The following HERPUD2 variants were observed in gnomAD, a reference collection of about 807,000 sequenced individuals.
HERPUD2 encodes the protein homocysteine-responsive endoplasmic reticulum-resident ubiquitin-like domain member 2 protein.
HERPUD2 carries 13 observed loss-of-function variants against 49.9 expected under a neutral mutation model. That is an observed-to-expected ratio of 0.26 (90% CI 0.17 to 0.41). The LOEUF (loss-of-function observed/expected upper bound fraction) is 0.41. Ranked by LOEUF, HERPUD2 falls within the 10% of genes least tolerant of loss-of-function variation. The pLI, the probability that HERPUD2 is intolerant of heterozygous loss-of-function variation, is 1.00. For synonymous variants in HERPUD2, 172 were observed against 171.4 expected, an observed-to-expected ratio of 1.00 and a Z score of -0.03; for missense variants, 449 against 492.2, an observed-to-expected ratio of 0.91 and a Z score of 0.83.
At chr7:35,687,970 T>G (rs1377897989) in intron 2 of HERPUD2, among the ~76,000 whole-genome samples, 1 of 152,222 alleles carries the variant, frequency 6.6e-6, no homozygotes, top group Non-Finnish European at 1.5e-5. Context: ...TTTCATATGC[T>G]AATTTAAAAA....
intron 5 of HERPUD2, among the ~76,000 whole-genome samples, chr7:35,646,070 G>A (rs958904847): frequency 6.6e-6 from 1 of 152,118 alleles, no homozygotes; most frequent in Non-Finnish European, 1.5e-5. Flanking sequence ...TGTATCTCTA[G>A]CATCTAGCAC....
chr7:35,687,030 A>G (rs1206675630), intron 2 of HERPUD2, among the ~76,000 whole-genome samples: 1 of 152,140 alleles, frequency 6.6e-6, no homozygotes, highest in Non-Finnish European at 1.5e-5. Flanking sequence ...ACTGCACTCC[A>G]GCCCAGACGA....
chr7:35,686,662 TGA>T (rs1198532841), intron 2 of HERPUD2, among the ~76,000 whole-genome samples: 3 of 93,288 alleles, frequency 3.2e-5, no homozygotes, highest in Non-Finnish European at 5.9e-5. Context: ...GAGCTTGCAG[TGA>T]GCCGAGATCC....
intron 5 of HERPUD2, among the ~76,000 whole-genome samples, chr7:35,664,321 CA>C (rs1193337696): frequency 6.6e-6 from 1 of 152,174 alleles, no homozygotes; most frequent in Non-Finnish European, 1.5e-5. Flanking sequence ...CTGCCCTTAA[CA>C]TTTTTTTCTT....
At chr7:35,662,221 AACT>A (rs1785440278) in intron 5 of HERPUD2, among the ~76,000 whole-genome samples, 2 of 152,232 alleles carry the variant, frequency 1.3e-5, no homozygotes, top group African/African-American at 4.8e-5. Context: ...CCAGGGATGA[AACT>A]GACTTGATCG....
intron 5 of HERPUD2, among the ~76,000 whole-genome samples, chr7:35,651,655 A>T (rs1257231199): frequency 6.6e-6 from 1 of 152,190 alleles, no homozygotes; most frequent in South Asian, 2.1e-4. Context: ...ATATCAACAT[A>T]AGGATAGAAG....
chr7:35,651,212 C>A (rs1333739638), intron 5 of HERPUD2, among the ~76,000 whole-genome samples: 2 of 152,148 alleles, frequency 1.3e-5, no homozygotes, highest in African/African-American at 4.8e-5. Context: ...CGATGACATG[C>A]CAAACTGCCC....
chr7:35,665,925 C>T (rs1785528806), intron 5 of HERPUD2, among the ~76,000 whole-genome samples: 1 of 152,168 alleles, frequency 6.6e-6, no homozygotes, highest in Admixed American at 6.5e-5. Context: ...AATATATTCA[C>T]TGTAAGTAAG....
Position 35,684,190 on chromosome 7 carries a change from C to T in HERPUD2, c.147+9994G>A, listed in dbSNP as rs1785979838. Among the ~76,000 whole-genome samples the T allele has an allele frequency of 2.6e-5, 4 of 151,966 alleles. No homozygotes were observed. In the South Asian group the frequency reaches 8.3e-4, roughly 32 times the overall value. On this transcript the variant is annotated intron_variant, in intron 2 of 8. Transcript: ENST00000311350. ...TCATGAGGTCAGGAGATCAACACCACCCTGGCTAACACGGTGAAACCCTGT... is the reference window on the plus strand; with the variant it reads ...TCATGAGGTCAGGAGATCAACACCATCCTGGCTAACACGGTGAAACCCTGT...
intron 2 of HERPUD2, among the ~76,000 whole-genome samples, chr7:35,679,390 C>G (rs996567082): frequency 1.3e-5 from 2 of 152,110 alleles, no homozygotes; most frequent in Non-Finnish European, 2.9e-5. Flanking sequence ...CCAAGTCCTT[C>G]TTTTTTAAAA....
intron 5 of HERPUD2, among the ~76,000 whole-genome samples, chr7:35,646,479 T>C (rs1315969725): frequency 2.0e-5 from 3 of 152,088 alleles, no homozygotes; most frequent in Non-Finnish European, 4.4e-5. Context: ...GGAGGATCAG[T>C]TGAAACCAGA....
At chr7:35,659,051 C>T (rs909756041) in intron 5 of HERPUD2, among the ~76,000 whole-genome samples, 3 of 152,160 alleles carry the variant, frequency 2.0e-5, no homozygotes, top group African/African-American at 7.2e-5. Flanking sequence ...GAACGCTAAC[C>T]TACATGGTGG....
chr7:35,691,593 A>G lies in HERPUD2; in HGVS notation c.147+2591T>C, dbSNP rs146447701. 2.6e-3 allele frequency among the ~76,000 whole-genome samples: 398 copies of G among 152,338 alleles called. 2 individuals carry two copies. The highest frequency in any genetic ancestry group is 4.3e-3 in the Non-Finnish European group (292 of 68,030). On this transcript the variant is annotated intron_variant, in intron 2 of 8. Coordinates refer to ENST00000311350, the MANE Select transcript of HERPUD2 (RefSeq NM_022373.5). ...CCTACTCTGCTAAGTCCACACACTG[A>G]TAATGAAAGTAGGCATATGTGCAAG...
At chr7:35,659,613 G>A (rs1785365225) in intron 5 of HERPUD2, among the ~76,000 whole-genome samples, 1 of 152,176 alleles carries the variant, frequency 6.6e-6, no homozygotes, top group Non-Finnish European at 1.5e-5. Flanking sequence ...GCACAGTAGA[G>A]AAGAGACTTG....
At chr7:35,678,436 G>A (rs1785811734) in intron 2 of HERPUD2, among the ~76,000 whole-genome samples, 1 of 152,042 alleles carries the variant, frequency 6.6e-6, no homozygotes, top group Non-Finnish European at 1.5e-5. Flanking sequence ...GAGTAGCTGG[G>A]ATTACAGTCG....
intron 5 of HERPUD2, among the ~76,000 whole-genome samples, chr7:35,662,460 T>C (rs553681653): frequency 1.1e-4 from 17 of 151,742 alleles, no homozygotes; most frequent in African/African-American, 4.1e-4. Context: ...AACCAGCCCC[T>C]CTTTGTACCT....
chr7:35,678,084 T>C (rs182422837), intron 2 of HERPUD2, among the ~76,000 whole-genome samples: 5 of 152,308 alleles, frequency 3.3e-5, no homozygotes, highest in African/African-American at 1.2e-4. Flanking sequence ...TCCCACATCA[T>C]GCAGTTTCAT....
intron 2 of HERPUD2, among the ~76,000 whole-genome samples, chr7:35,675,384 G>A (rs1382132354): frequency 6.6e-6 from 1 of 152,094 alleles, no homozygotes; most frequent in Non-Finnish European, 1.5e-5. Flanking sequence ...TATAATCAAT[G>A]ATTTAATTCC....
chr7:35,659,988 C>A (rs1008543690), intron 5 of HERPUD2, among the ~76,000 whole-genome samples: 4 of 152,050 alleles, frequency 2.6e-5, no homozygotes, highest in Non-Finnish European at 5.9e-5. Flanking sequence ...ATTAACTCGT[C>A]ATCTACATTA....
Sources: gnomAD v4.1 joint callset for allele counts (sites outside exome capture counted in the v4.1 genomes callset) on GRCh38, gnomAD v4.1.1 for gene constraint, MANE v1.5 for transcripts, NCBI Gene and HGNC (gene_info 2026-07-23, HGNC 2026-07-21) for gene names.